The following ADGRD2 variants were observed in gnomAD, a reference collection of about 807,000 sequenced individuals.
ADGRD2 encodes the protein G protein-coupled receptor PGR24.
A neutral mutation model predicts 44.4 loss-of-function variants in ADGRD2; 71 were observed. That is an observed-to-expected ratio of 1.60 (90% CI 1.32 to 1.95). The LOEUF is 1.95. ADGRD2 is among the 30% of genes most tolerant of loss of function. The pLI is 0.00. For synonymous variants in ADGRD2, 481 were observed against 224.8 expected (o/e 2.14, Z -10.19); for missense variants, 1,039 against 512.4 (o/e 2.03, Z -9.92).
intron 10 of ADGRD2, among the ~76,000 whole-genome samples, chr9:124,460,597 T>C (rs1258779650): frequency 6.6e-6 from 1 of 151,310 alleles, no homozygotes; most frequent in Non-Finnish European, 1.5e-5. Context: ...TCAGGTCTCA[T>C]TGGTGAGAAT....
At chr9:124,477,143 T>G (rs1196256557) in intron 21 of ADGRD2, 3 of 452,446 alleles carry the variant, frequency 6.6e-6, no homozygotes, top group Non-Finnish European at 1.4e-5. Flanking sequence ...GAGGGAGAAG[T>G]GCTTTCCTCC....
exon 9 of ADGRD2, chr9:124,458,188 T>C: frequency 1.4e-6 from 1 of 718,406 alleles, no homozygotes; most frequent in East Asian, 2.7e-5. Flanking sequence ...GGACCGGACC[T>C]AGAGCCCCAG....
intron 21 of ADGRD2, among the ~76,000 whole-genome samples, chr9:124,478,068 C>T (rs902161909): frequency 3.9e-5 from 6 of 152,110 alleles, no homozygotes; most frequent in Admixed American, 2.0e-4. Flanking sequence ...GCGGAGGCTG[C>T]CGGGCTGTGT....
chr9:124,452,926 G>A (rs1350611556), intron 2 of ADGRD2, 109 bp from the exon 6 acceptor site: 3 of 604,608 alleles, frequency 5.0e-6, no homozygotes, highest in African/African-American at 3.7e-5. Flanking sequence ...TTCCCGAGGT[G>A]GGGAGGCATC....
chr9:124,453,240 G>T (rs552172460), exon 3 of ADGRD2: 3 of 565,624 alleles, frequency 5.3e-6, no homozygotes, highest in Non-Finnish European at 3.1e-6. Flanking sequence ...TCGCCGAGCC[G>T]GGGGGCGTCG....
At chr9:124,455,467 G>A (rs1301784079) in intron 6 of ADGRD2, among the ~76,000 whole-genome samples, 1 of 152,048 alleles carries the variant, frequency 6.6e-6, no homozygotes, top group African/African-American at 2.4e-5. Flanking sequence ...GCGGGCACCT[G>A]TAATCCCAGC....
At chr9:124,458,159 C>A in exon 9 of ADGRD2, 1 of 718,554 alleles carries the variant, frequency 1.4e-6, no homozygotes, top group South Asian at 1.5e-5. Context: ...CCTCCAGAGT[C>A]TTCCAGCACA....
At chr9:124,452,003 C>CCCCCCCCCCCCCCCCCCCCA, upstream of ADGRD2, 1 of 331,840 alleles carries the variant, frequency 3.0e-6, no homozygotes, top group Non-Finnish European at 6.0e-6. Flanking sequence ...GAATGCCCCC[C>CCCCCCCCCCCCCCCCCCCCA]TCCCACCCAC....
At chr9:124,473,705 G>A (rs1342170560) in intron 17 of ADGRD2, among the ~76,000 whole-genome samples, 1 of 152,230 alleles carries the variant, frequency 6.6e-6, no homozygotes, top group Admixed American at 6.5e-5. Flanking sequence ...CACAACCACA[G>A]TGTGTCATGA....
At chr9:124,452,144 T>C (rs1362272309) in exon 1 of ADGRD2, 10 of 717,394 alleles carry the variant, frequency 1.4e-5, no homozygotes, top group Non-Finnish European at 2.3e-5. Context: ...CAAGGAACCC[T>C]TGGGCCCCAG....
At chr9:124,468,614 G>A (rs1460899640) in exon 14 of ADGRD2, 1 of 718,332 alleles carries the variant, frequency 1.4e-6, no homozygotes, top group South Asian at 1.5e-5. Flanking sequence ...GGAGGAAGGT[G>A]GTAGCTGTGA....
At chr9:124,457,713 C>T (rs1033046495) in intron 8 of ADGRD2, 107 bp downstream of exon 11, 7 of 540,566 alleles carry the variant, frequency 1.3e-5, no homozygotes, top group African/African-American at 9.4e-5. Context: ...TCAGTTTGCT[C>T]GTCTGTAAAA....
chr9:124,469,640 G>A (rs1831907701), intron 16 of ADGRD2, 93 bp downstream of exon 19: 7 of 686,652 alleles, frequency 1.0e-5, no homozygotes, highest in East Asian at 2.7e-5. Context: ...GCACGTGCGA[G>A]TCTGTGTCCA....
intron 21 of ADGRD2, 64 bp downstream of exon 24, chr9:124,476,773 C>T: frequency 1.5e-6 from 1 of 677,214 alleles, no homozygotes; most frequent in Non-Finnish European, 2.7e-6. Context: ...CCTAAGCCCC[C>T]CGTACCAGGA....
intron 17 of ADGRD2, among the ~76,000 whole-genome samples, chr9:124,474,489 G>T (rs1310160291): frequency 6.6e-6 from 1 of 152,118 alleles, no homozygotes; most frequent in African/African-American, 2.4e-5. Context: ...GGAGGCTTTG[G>T]GGTCTGTCTT....
intron 10 of ADGRD2, among the ~76,000 whole-genome samples, 168 bp downstream of exon 13, chr9:124,458,889 G>A (rs1481215413): frequency 6.6e-6 from 1 of 152,242 alleles, no homozygotes; most frequent in East Asian, 1.9e-4. Context: ...GGAAGCGATT[G>A]ACTGCAGGGT....
chr9:124,476,887 G>A (rs1832058672), intron 21 of ADGRD2, 178 bp downstream of exon 24: 1 of 702,246 alleles, frequency 1.4e-6, no homozygotes, highest in Non-Finnish European at 2.6e-6. Context: ...CGGGGACCAG[G>A]CAGTACCCCT....
intron 10 of ADGRD2, among the ~76,000 whole-genome samples, chr9:124,464,535 T>C (rs916573324): frequency 1.3e-5 from 2 of 152,164 alleles, no homozygotes; most frequent in Non-Finnish European, 2.9e-5. Flanking sequence ...ATGAAAGTGC[T>C]TGGCAAGACA....
intron 10 of ADGRD2, among the ~76,000 whole-genome samples, chr9:124,463,256 C>T (rs1055007186): frequency 6.6e-6 from 1 of 152,130 alleles, no homozygotes; most frequent in Non-Finnish European, 1.5e-5. Context: ...ATGGGTTTCT[C>T]ATTTATTTCC....
Sources: allele counts gnomAD v4.1 joint callset (sites outside exome capture counted in the v4.1 genomes callset), GRCh38; gene constraint gnomAD v4.1.1; transcripts MANE v1.5; gene names NCBI Gene and HGNC (gene_info 2026-07-23, HGNC 2026-07-21).